KATNAL2: variants seen among roughly 807,000 people sequenced by gnomAD.
KATNAL2 encodes katanin catalytic subunit A1 like 2.
Under a neutral mutation model 76.3 loss-of-function variants are expected in KATNAL2, and 52 were observed. The observed-to-expected ratio is 0.68, with a 90% CI of 0.55 to 0.86. The LOEUF (loss-of-function observed/expected upper bound fraction) is 0.86. Ranked by LOEUF, KATNAL2 falls within the 40% of genes least tolerant of loss-of-function variation. The pLI, the probability that KATNAL2 is intolerant of heterozygous loss-of-function variation, is 0.00. For synonymous variants in KATNAL2, 243 were observed against 244.2 expected (o/e 1.00, Z 0.05); for missense variants, 660 against 668.9 (o/e 0.99, Z 0.15).
intron 15 of KATNAL2, among the ~76,000 whole-genome samples, chr18:47,095,097 T>G (rs1204648660): frequency 6.6e-6 from 1 of 152,194 alleles, no homozygotes; most frequent in African/African-American, 2.4e-5. Flanking sequence ...TTTTACTCAT[T>G]ATTATGCTTC....
intron 3 of KATNAL2, chr18:47,033,377 G>C: frequency 6.2e-7 from 1 of 1,614,168 alleles, no homozygotes; most frequent in Non-Finnish European, 8.5e-7. Flanking sequence ...TTGTTTCCAC[G>C]TGCAGATCGG....
intron 1 of KATNAL2, among the ~76,000 whole-genome samples, chr18:46,934,869 C>T (rs943138050): frequency 1.7e-4 from 26 of 152,120 alleles, no homozygotes; most frequent in Admixed American, 1.2e-3. Flanking sequence ...CTACATATGT[C>T]TAGCCAGTTT....
At chr18:46,920,306 A>G (rs532302931) in intron 1 of KATNAL2, 2 of 325,962 alleles carry the variant, frequency 6.1e-6, no homozygotes, top group East Asian at 1.5e-4. Flanking sequence ...CCCGTGCCCT[A>G]AGGTAGGCTA....
At chr18:47,087,303 G>A (rs562155952) in intron 15 of KATNAL2, among the ~76,000 whole-genome samples, 2 of 152,202 alleles carry the variant, frequency 1.3e-5, no homozygotes, top group African/African-American at 4.8e-5. Context: ...CAACCTAAAC[G>A]CCCATCAGTG....
In KATNAL2 at chr18:46,953,450, G is replaced by A. The variant is rs142407281; in HGVS notation, c.51+6527G>A. Among the ~76,000 whole-genome samples the A allele has an allele frequency of 1.1e-3, 171 of 152,284 alleles. No homozygotes were observed. In the Middle Eastern group the frequency reaches 0.017, roughly 15 times the overall value. On this transcript the variant is annotated intron_variant, in intron 3 of 17. Coordinates refer to ENST00000683218, the MANE Select transcript of KATNAL2 (RefSeq NM_001387690.1). ...AGGCCAGAGGTCGAGACCAGCCTGG[G>A]CAACGTGATGAAACCCTGTGTCTAC...
chr18:47,031,841 T>C (rs548693038), intron 3 of KATNAL2, among the ~76,000 whole-genome samples: 19 of 152,308 alleles, frequency 1.2e-4, no homozygotes, highest in Admixed American at 3.3e-4. Flanking sequence ...AATGCTTTCT[T>C]GTCTTCCTGA....
At chr18:46,936,961 A>G (rs2059112201) in intron 1 of KATNAL2, among the ~76,000 whole-genome samples, 1 of 152,192 alleles carries the variant, frequency 6.6e-6, no homozygotes, top group Non-Finnish European at 1.5e-5. Flanking sequence ...TCTCAAAAAG[A>G]AAAACAAAAA....
At chr18:46,948,598 TG>T (rs1460824488) in intron 3 of KATNAL2, among the ~76,000 whole-genome samples, 1 of 151,984 alleles carries the variant, frequency 6.6e-6, no homozygotes, top group Non-Finnish European at 1.5e-5. Context: ...CTAATTTGTT[TG>T]TTTGTTTTAG....
chr18:47,025,485 TTCTC>T (rs1241765373), intron 3 of KATNAL2, among the ~76,000 whole-genome samples: 19 of 151,478 alleles, frequency 1.3e-4, no homozygotes, highest in African/African-American at 4.4e-4. Context: ...TCACATGACT[TTCTC>T]TCTCTCTCTC....
At chr18:47,079,010 T>C (rs994065710) in intron 15 of KATNAL2, among the ~76,000 whole-genome samples, 9 of 152,106 alleles carry the variant, frequency 5.9e-5, no homozygotes, top group Admixed American at 5.9e-4. Flanking sequence ...TTATGAAAAA[T>C]TCCCAAAAAC....
intron 1 of KATNAL2, among the ~76,000 whole-genome samples, chr18:46,923,265 C>T (rs1317603993): frequency 3.7e-5 from 5 of 136,270 alleles, no homozygotes; most frequent in Admixed American, 1.6e-4. Context: ...GTTCCCCTTC[C>T]TGTGTCCATG....
intron 15 of KATNAL2, among the ~76,000 whole-genome samples, chr18:47,094,483 T>C (rs1181864066): frequency 6.6e-6 from 1 of 152,246 alleles, no homozygotes; most frequent in African/African-American, 2.4e-5. Context: ...TGTGTTGGGC[T>C]CTGTCTTCAA....
chr18:47,064,092 C>G (rs900796992), intron 10 of KATNAL2, among the ~76,000 whole-genome samples: 1 of 152,164 alleles, frequency 6.6e-6, no homozygotes. Flanking sequence ...CCTGAGCTGT[C>G]TCTGTTCAGC....
At chr18:46,950,638 A>C (rs1427278633) in intron 3 of KATNAL2, among the ~76,000 whole-genome samples, 1 of 152,206 alleles carries the variant, frequency 6.6e-6, no homozygotes, top group African/African-American at 2.4e-5. Flanking sequence ...GCTCCCCAGA[A>C]GCAACTGCTT....
At chr18:46,933,108 G>A (rs11875795) in intron 1 of KATNAL2, among the ~76,000 whole-genome samples, 8,745 of 151,986 alleles carry the variant, frequency 0.058, 299 homozygotes, top group Non-Finnish European at 0.081. Context: ...ATTTACCTCA[G>A]GAATTCAAGG....
chr18:47,061,219 G>C (rs148737162), intron 8 of KATNAL2, among the ~76,000 whole-genome samples: 1 of 152,194 alleles, frequency 6.6e-6, no homozygotes, highest in Non-Finnish European at 1.5e-5. Context: ...CTGAGGCTGA[G>C]TAGTTTATAA....
At chr18:47,046,736 CT>C (rs1232514760) in intron 4 of KATNAL2, among the ~76,000 whole-genome samples, 1 of 152,148 alleles carries the variant, frequency 6.6e-6, no homozygotes. Context: ...TGGTTTATTA[CT>C]ACCGTTGATG....
intron 1 of KATNAL2, among the ~76,000 whole-genome samples, chr18:46,918,319 CG>C (rs1381735026): frequency 6.6e-6 from 1 of 152,162 alleles, no homozygotes; most frequent in Admixed American, 6.5e-5. Context: ...AACCCACACA[CG>C]AGAGGTCTTT....
chr18:47,072,687 C>T (rs913995344), intron 13 of KATNAL2, among the ~76,000 whole-genome samples: 4 of 152,186 alleles, frequency 2.6e-5, no homozygotes, highest in African/African-American at 9.7e-5. Context: ...AATCCTCCCG[C>T]CTTGGGCTCT....
Sources: allele counts gnomAD v4.1 joint callset (sites outside exome capture counted in the v4.1 genomes callset), GRCh38; gene constraint gnomAD v4.1.1; transcripts MANE v1.5; gene names NCBI Gene and HGNC (gene_info 2026-07-23, HGNC 2026-07-21).